Variants in PARD3 observed in about 807,000 individuals in gnomAD.
PARD3 encodes the protein par-3 family cell polarity regulator, also known as partitioning defective 3 homolog.
PARD3 carries 75 observed loss-of-function variants against 155.4 expected under a neutral mutation model. That is an observed-to-expected ratio of 0.48 (90% CI 0.40 to 0.58). PARD3 has a LOEUF of 0.58. Ranked by LOEUF, PARD3 falls within the 20% of genes least tolerant of loss-of-function variation. PARD3 has a pLI of 0.00. For missense variants in PARD3, 1,642 were observed against 1,721.7 expected (o/e 0.95, Z 0.82); for synonymous variants, 576 against 610.5 (o/e 0.94, Z 0.83).
At chr10:34,568,060 T>C (rs1018419480) in intron 2 of PARD3, among the ~76,000 whole-genome samples, 1 of 152,192 alleles carries the variant, frequency 6.6e-6, no homozygotes, top group African/African-American at 2.4e-5. Flanking sequence ...TGTGGGGTAA[T>C]CGAATATTCT....
At chr10:34,278,410 T>C (rs1036884891) in intron 21 of PARD3, among the ~76,000 whole-genome samples, 2 of 152,140 alleles carry the variant, frequency 1.3e-5, no homozygotes. Context: ...AAAATAGTAA[T>C]TTTAAAAAGA....
In PARD3 at chr10:34,193,994, C is replaced by T. The variant is rs559573757; in HGVS notation, c.3420-62411G>A. On this transcript the variant is annotated intron_variant, in intron 22 of 24. Transcript: ENST00000374788. ...ATAGCAGCTGCTTCTGCAAGGACTG[C>T]AGAAGAAGCAAAATGGTAGAAAAGC... 1.4e-4 allele frequency among the ~76,000 whole-genome samples: 21 copies of T among 152,214 alleles called. No individual in the cohort carries two copies. In the South Asian group the frequency reaches 3.5e-3, roughly 26 times the overall value.
intron 23 of PARD3, among the ~76,000 whole-genome samples, chr10:34,128,411 C>G (rs1312019707): frequency 6.6e-6 from 1 of 152,202 alleles, no homozygotes; most frequent in East Asian, 1.9e-4. Flanking sequence ...ATAACATCTT[C>G]TTTCTAGTTT....
intron 5 of PARD3, among the ~76,000 whole-genome samples, chr10:34,407,843 A>G (rs1261116122): frequency 1.1e-5 from 1 of 93,930 alleles, no homozygotes; most frequent in African/African-American, 9.2e-5. Flanking sequence ...CTAAAAAAAA[A>G]AGAAAAAAAA....
At chr10:34,369,903 G>C (rs1210191361) in intron 12 of PARD3, among the ~76,000 whole-genome samples, 2 of 152,138 alleles carry the variant, frequency 1.3e-5, no homozygotes, top group East Asian at 1.9e-4. Flanking sequence ...CTAATAAAAA[G>C]AGCAAAAGCC....
chr10:34,497,524 A>G (rs1286745467), intron 3 of PARD3, among the ~76,000 whole-genome samples: 1 of 152,200 alleles, frequency 6.6e-6, no homozygotes, highest in Non-Finnish European at 1.5e-5. Flanking sequence ...AATTAAGGTT[A>G]TATTTTTTTA....
chr10:34,640,771 C>A (rs1464881892), intron 2 of PARD3, among the ~76,000 whole-genome samples: 1 of 138,090 alleles, frequency 7.2e-6, no homozygotes, highest in Non-Finnish European at 1.5e-5. Flanking sequence ...CAACACCTAT[C>A]CAAACTTTAA....
intron 5 of PARD3, among the ~76,000 whole-genome samples, chr10:34,439,757 A>G (rs765863360): frequency 1.3e-5 from 2 of 152,150 alleles, no homozygotes; most frequent in Non-Finnish European, 2.9e-5. Context: ...TGTCAAAAGT[A>G]TTACGTGCCT....
intron 5 of PARD3, among the ~76,000 whole-genome samples, chr10:34,436,874 A>G (rs946854399): frequency 6.6e-6 from 1 of 152,170 alleles, no homozygotes; most frequent in African/African-American, 2.4e-5. Context: ...TGAAAAGAGA[A>G]TATGTTTCCG....
At chr10:34,750,936 G>A (rs7909296) in intron 1 of PARD3, among the ~76,000 whole-genome samples, 39,227 of 151,986 alleles carry the variant, frequency 0.26, 5,518 homozygotes, top group East Asian at 0.54. Flanking sequence ...TGATCTTCCC[G>A]CCTCACCCTC....
intron 22 of PARD3, among the ~76,000 whole-genome samples, chr10:34,191,119 T>C (rs916924459): frequency 2.0e-5 from 3 of 151,654 alleles, no homozygotes. Flanking sequence ...AGTGAGGAAG[T>C]GTGTGATGAG....
At chr10:34,300,845 A>G (rs1398680903) in intron 20 of PARD3, among the ~76,000 whole-genome samples, 1 of 152,208 alleles carries the variant, frequency 6.6e-6, no homozygotes, top group Non-Finnish European at 1.5e-5. Context: ...AACATACAAG[A>G]GAAAGGCAGA....
In PARD3 at chr10:34,725,748, A is replaced by C. The variant is rs184487155; in HGVS notation, c.121-29329T>G. Among the ~76,000 whole-genome samples, 3 of 152,354 alleles carry C rather than the reference A, an allele frequency of 2.0e-5. No individual in the cohort carries two copies. The East Asian group carries it at 5.8e-4, about 29-fold the overall frequency. On this transcript the variant is annotated intron_variant, in intron 1 of 24. Coordinates refer to ENST00000374788, the MANE Select transcript of PARD3 (RefSeq NM_001184785.2). ...AACCAAGAACAAGTGAATTAGAAAG[A>C]AACTCAGATGACACAATGTCCAGCC...
chr10:34,699,583 TAGTAGTTTGCA>T, intron 1 of PARD3, among the ~76,000 whole-genome samples: 1 of 152,328 alleles, frequency 6.6e-6, no homozygotes. Flanking sequence ...TTCCACTTTG[TAGTAGTTTGCA>T]TTAAAAAGTT....
intron 1 of PARD3, among the ~76,000 whole-genome samples, chr10:34,792,924 T>C (rs181190915): frequency 9.3e-5 from 14 of 150,796 alleles, no homozygotes; most frequent in Admixed American, 3.3e-4. Context: ...AAAAAGCACA[T>C]GTTTGTACAG....
intron 20 of PARD3, among the ~76,000 whole-genome samples, chr10:34,308,597 G>A (rs181136205): frequency 9.9e-5 from 15 of 152,148 alleles, no homozygotes; most frequent in South Asian, 4.1e-4. Flanking sequence ...AGCAGTTTGC[G>A]GGGAGGGGGA....
intron 1 of PARD3, among the ~76,000 whole-genome samples, chr10:34,720,419 A>G (rs1273805117): frequency 2.2e-5 from 3 of 136,578 alleles, no homozygotes; most frequent in African/African-American, 8.2e-5. Flanking sequence ...CCACTGCACT[A>G]TAGCCTGGGC....
chr10:34,125,225 C>T (rs554706262), intron 23 of PARD3, among the ~76,000 whole-genome samples: 2 of 152,088 alleles, frequency 1.3e-5, no homozygotes, highest in African/African-American at 4.8e-5. Flanking sequence ...TGCCACCACG[C>T]CCGGCTAATT....
intron 2 of PARD3, among the ~76,000 whole-genome samples, chr10:34,580,835 C>A (rs1211334554): frequency 1.3e-5 from 2 of 152,190 alleles, no homozygotes; most frequent in South Asian, 2.1e-4. Context: ...AACTTCAGAA[C>A]AATGACAGCT....
Sources: gnomAD v4.1 joint callset for allele counts (sites outside exome capture counted in the v4.1 genomes callset) on GRCh38, gnomAD v4.1.1 for gene constraint, MANE v1.5 for transcripts, NCBI Gene and HGNC (gene_info 2026-07-23, HGNC 2026-07-21) for gene names.